The following UNC13C variants were observed in gnomAD, a reference collection of about 807,000 sequenced individuals.
The protein encoded by UNC13C is protein unc-13 homolog C.
UNC13C carries 174 observed loss-of-function variants against 245.4 expected under a neutral mutation model. The ratio of observed to expected loss-of-function variants is 0.71; its 90% CI spans 0.63 to 0.80. The LOEUF (loss-of-function observed/expected upper bound fraction) is 0.80. Ranked by LOEUF, UNC13C falls within the 30% of genes least tolerant of loss-of-function variation. The pLI is 0.00. For missense variants in UNC13C, 2,829 were observed against 2,602.9 expected (o/e 1.09, Z -1.89); for synonymous variants, 992 against 895.1 (o/e 1.11, Z -1.93).
At chr15:54,497,174 AC>A (rs1241211335) in intron 20 of UNC13C, among the ~76,000 whole-genome samples, 5 of 152,070 alleles carry the variant, frequency 3.3e-5, no homozygotes, top group African/African-American at 9.7e-5. Flanking sequence ...CTGATGGCCA[AC>A]AAAAAAGGTA....
At chr15:54,432,622 C>T (rs569004245) in intron 19 of UNC13C, among the ~76,000 whole-genome samples, 17 of 152,040 alleles carry the variant, frequency 1.1e-4, no homozygotes, top group Non-Finnish European at 2.2e-4. Context: ...AAATTTATAG[C>T]ACTAAATGCC....
At chr15:54,082,694 A>G (rs1019790234) in intron 2 of UNC13C, among the ~76,000 whole-genome samples, 1 of 152,132 alleles carries the variant, frequency 6.6e-6, no homozygotes, top group African/African-American at 2.4e-5. Context: ...CATCTTAAGG[A>G]ACCGTCGCTT....
downstream of UNC13C, chr15:54,630,287 G>A (rs1033819459): frequency 6.6e-6 from 1 of 152,118 alleles, no homozygotes; most frequent in Non-Finnish European, 1.5e-5. Context: ...TACAACCTGC[G>A]CTAATTTATC....
In UNC13C at chr15:54,605,899, C is replaced by T. The variant is rs116717913; in HGVS notation, c.6107-16428C>T. On this transcript the variant is annotated intron_variant, in intron 30 of 32. Coordinates refer to ENST00000260323, the MANE Select transcript of UNC13C (RefSeq NM_001080534.3). Reference sequence around the variant, plus strand: ...CAGTGCTACTTGCAACTATGGATGACAAGCCTTTGCAAACAGGGAAAATAA... The same window carrying T: ...CAGTGCTACTTGCAACTATGGATGATAAGCCTTTGCAAACAGGGAAAATAA... 4.8e-3 allele frequency among the ~76,000 whole-genome samples: 725 copies of T among 152,306 alleles called. 5 individuals carry two copies. Among genetic ancestry groups the T allele is most frequent in the African/African-American group, 0.017 (696 of 41,578 alleles).
intron 17 of UNC13C, among the ~76,000 whole-genome samples, chr15:54,347,590 C>G (rs966814029): frequency 6.6e-6 from 1 of 152,110 alleles, no homozygotes. Context: ...AACGAAAGTT[C>G]TTGACATTCA....
the UNC13C span, among the ~76,000 whole-genome samples, chr15:53,900,331 G>A: frequency 2.0e-5 from 3 of 152,206 alleles, no homozygotes; most frequent in Non-Finnish European, 4.4e-5. Flanking sequence ...AAGAGGGCCT[G>A]ATGTATGAAT....
At chr15:54,327,513 A>G (rs2038328403) in intron 14 of UNC13C, among the ~76,000 whole-genome samples, 1 of 151,974 alleles carries the variant, frequency 6.6e-6, no homozygotes, top group Non-Finnish European at 1.5e-5. Context: ...AACACCAATT[A>G]TTTTTTTCAT....
rs78747949 is a variant in UNC13C, at chr15:54,050,721, G to C, written c.2983+34835G>C. The stretch of plus-strand genomic sequence containing the variant: ...TCTATAGGGTAAATATCATCAGGAA[G>C]CTTTACTATTTGAGTTGTTCCACTA... On this transcript the variant is annotated intron_variant, in intron 2 of 32. Coordinates refer to ENST00000260323, the MANE Select transcript of UNC13C (RefSeq NM_001080534.3). 121 of 567,400 alleles carry C rather than the reference G, an allele frequency of 2.1e-4. 1 individual carries two copies. In the East Asian group the frequency reaches 5.3e-3, roughly 25 times the overall value. 35.1% of individuals were successfully genotyped at this position (567,400 alleles called of 1,614,324 possible).
chr15:54,507,284 C>G (rs748031482), intron 23 of UNC13C, 90 bp downstream of exon 23: 5 of 817,748 alleles, frequency 6.1e-6, no homozygotes, highest in Non-Finnish European at 9.7e-6. Context: ...TGTTGACTTT[C>G]AGTTTTCACA....
the UNC13C span, among the ~76,000 whole-genome samples, chr15:53,905,399 T>TACACACACACACACACAC: frequency 1.0e-3 from 127 of 123,586 alleles, 1 homozygote; most frequent in East Asian, 0.014. Context: ...TATTACTTTA[T>TACACACACACACACACAC]ACACACACAC....
intron 17 of UNC13C, among the ~76,000 whole-genome samples, chr15:54,381,899 A>C (rs1473468477): frequency 6.6e-6 from 1 of 152,220 alleles, no homozygotes; most frequent in East Asian, 1.9e-4. Context: ...TTGCGACCAA[A>C]TGAATCTAAC....
chr15:54,261,244 A>G (rs1463235793), intron 8 of UNC13C, among the ~76,000 whole-genome samples: 1 of 152,232 alleles, frequency 6.6e-6, no homozygotes, highest in Non-Finnish European at 1.5e-5. Context: ...CTCATGTAAA[A>G]GCAAATTTAA....
At chr15:54,075,811 C>A (rs1244788380) in intron 2 of UNC13C, among the ~76,000 whole-genome samples, 1 of 143,870 alleles carries the variant, frequency 7.0e-6, no homozygotes, top group Admixed American at 7.2e-5. Context: ...GAAAACATTC[C>A]CTGTTTAACT....
intron 4 of UNC13C, among the ~76,000 whole-genome samples, chr15:54,176,488 T>A (rs1279182072): frequency 6.6e-6 from 1 of 152,156 alleles, no homozygotes; most frequent in African/African-American, 2.4e-5. Context: ...CATTAGCCCC[T>A]GTCTAACCCT....
chr15:54,629,754 A>C (rs1901410442), downstream of UNC13C: 1 of 152,022 alleles, frequency 6.6e-6, no homozygotes, highest in Non-Finnish European at 1.5e-5. Context: ...AAAGGCAGTT[A>C]GGATTTGCAT....
chr15:54,585,942 G>A (rs1205961897), intron 30 of UNC13C, among the ~76,000 whole-genome samples: 1 of 152,148 alleles, frequency 6.6e-6, no homozygotes, highest in Non-Finnish European at 1.5e-5. Flanking sequence ...TTTATCCAAA[G>A]CAAAAATAAA....
the UNC13C span, among the ~76,000 whole-genome samples, chr15:53,951,311 T>A: frequency 6.6e-6 from 1 of 152,232 alleles, no homozygotes; most frequent in Admixed American, 6.5e-5. Flanking sequence ...CATTTTACCC[T>A]GATTTCACAT....
the UNC13C span, among the ~76,000 whole-genome samples, chr15:53,942,898 A>T: frequency 6.6e-6 from 1 of 152,208 alleles, no homozygotes; most frequent in Non-Finnish European, 1.5e-5. Flanking sequence ...CCTGGCCTCA[A>T]GTGATCCACC....
rs34179914 is a variant in UNC13C, at chr15:54,332,305, CTG to C, written c.4494+226_4494+227del. Among the ~76,000 whole-genome samples, 657 of 145,488 alleles carry C rather than the reference CTG, an allele frequency of 4.5e-3. 3 individuals are homozygous for C. The highest frequency in any genetic ancestry group is 0.011 in the East Asian group (56 of 4,908). On this transcript the variant is annotated intron_variant, in intron 15 of 32. Transcript: ENST00000260323. ...GCCCCACGTAGACTACAACAATACT[CTG>C]TGTGTGTGTGTGTGTGTGTGTGTGT...
Sources: allele counts gnomAD v4.1 joint callset (sites outside exome capture counted in the v4.1 genomes callset), GRCh38; gene constraint gnomAD v4.1.1; transcripts MANE v1.5; gene names NCBI Gene and HGNC (gene_info 2026-07-23, HGNC 2026-07-21).